Variants in GNG4 observed in about 807,000 individuals in gnomAD.
GNG4 encodes the protein G protein subunit gamma 4.
In GNG4, 4 loss-of-function variants were observed where a neutral mutation model predicts 5.8. The ratio of observed to expected loss-of-function variants is 0.69; its 90% CI spans 0.34 to 1.57. The LOEUF (loss-of-function observed/expected upper bound fraction) is 1.57, where lower values mean the gene tolerates loss of function less well. Ranked by LOEUF, GNG4 falls within the 40% of genes most tolerant of loss-of-function variation. The pLI is 0.06. For missense variants in GNG4, 96 were observed against 95.1 expected (o/e 1.01, Z -0.04); for synonymous variants, 29 against 32.9 (o/e 0.88, Z 0.41).
intron 1 of GNG4, among the ~76,000 whole-genome samples, chr1:235,618,725 G>T (rs1267416672): frequency 1.3e-5 from 2 of 150,346 alleles, no homozygotes; most frequent in African/African-American, 4.9e-5. Flanking sequence ...GCGTGATCTC[G>T]GCTCACTGCA....
intron 1 of GNG4, among the ~76,000 whole-genome samples, chr1:235,598,457 A>G (rs1217444935): frequency 3.3e-5 from 5 of 152,062 alleles, no homozygotes; most frequent in Admixed American, 3.3e-4. Context: ...AAAAATTTAA[A>G]AATTATCTGG....
intron 1 of GNG4, among the ~76,000 whole-genome samples, chr1:235,625,875 A>G (rs976178883): frequency 1.3e-5 from 2 of 152,220 alleles, no homozygotes; most frequent in South Asian, 4.1e-4. Context: ...TTGGGCAATT[A>G]TGAATAAAGC....
intron 1 of GNG4, among the ~76,000 whole-genome samples, chr1:235,618,808 AC>A (rs1688650346): frequency 6.6e-6 from 1 of 151,182 alleles, no homozygotes; most frequent in Admixed American, 6.6e-5. Context: ...GGCATGTGCC[AC>A]CCCACCTGGC....
intron 2 of GNG4, among the ~76,000 whole-genome samples, chr1:235,592,527 T>A (rs1385687321): frequency 2.0e-5 from 3 of 151,864 alleles, no homozygotes; most frequent in African/African-American, 7.3e-5. Flanking sequence ...ATAAATAAAT[T>A]TCTTCCTGAG....
At chr1:235,620,559 G>T (rs145089820) in intron 1 of GNG4, among the ~76,000 whole-genome samples, 2 of 152,020 alleles carry the variant, frequency 1.3e-5, no homozygotes, top group African/African-American at 4.8e-5. Flanking sequence ...TTTTTGAGAC[G>T]GAGTCTCGCT....
chr1:235,573,963 G>C (rs904839018), intron 3 of GNG4, among the ~76,000 whole-genome samples: 3 of 152,018 alleles, frequency 2.0e-5, no homozygotes, highest in Admixed American at 2.0e-4. Flanking sequence ...TTATAAAAAA[G>C]CAATAAGTGT....
intron 3 of GNG4, among the ~76,000 whole-genome samples, chr1:235,554,746 G>A (rs192844288): frequency 1.4e-3 from 210 of 151,212 alleles, no homozygotes; most frequent in Non-Finnish European, 2.4e-3. Context: ...TCAGGAGGCT[G>A]AGGCAGGAGA....
intron 2 of GNG4, among the ~76,000 whole-genome samples, chr1:235,592,008 G>A (rs1571900875): frequency 2.0e-5 from 3 of 152,290 alleles, no homozygotes; most frequent in Middle Eastern, 3.4e-3. Flanking sequence ...TAAGCAAGAA[G>A]GTAATAGTAG....
At chr1:235,568,708 G>A (rs1376532535) in intron 3 of GNG4, among the ~76,000 whole-genome samples, 1 of 151,796 alleles carries the variant, frequency 6.6e-6, no homozygotes. Context: ...GTGAGGCACT[G>A]TAGTGTAATG....
rs988998209 is a variant in GNG4 at position 235,613,049 on chromosome 1, A to G, written c.-122-17538T>C. 5.5e-5 allele frequency among the ~76,000 whole-genome samples: 8 copies of G among 144,642 alleles called. No individual in the cohort carries two copies. In the East Asian group the frequency reaches 8.2e-4, roughly 15 times the overall value. The allele number at this position is 144,642 out of a possible 152,430, so 94.9% of individuals were successfully genotyped here. ...AGGGCTCTGCCCCCATGATCTAATCACCTCCTAAAGCCCCAGTACTACTGC... is the reference window on the plus strand; with the variant it reads ...AGGGCTCTGCCCCCATGATCTAATCGCCTCCTAAAGCCCCAGTACTACTGC... On this transcript the variant is annotated intron_variant, in intron 1 of 3. Coordinates refer to ENST00000391854, the MANE Select transcript of GNG4 (RefSeq NM_001098722.2).
intron 2 of GNG4, among the ~76,000 whole-genome samples, chr1:235,593,715 C>A (rs1272763637): frequency 1.3e-5 from 2 of 152,132 alleles, no homozygotes; most frequent in African/African-American, 4.8e-5. Flanking sequence ...AGCTGCAGAG[C>A]TTCACGGTGA....
At chr1:235,641,789 C>T (rs184229662) in intron 1 of GNG4, among the ~76,000 whole-genome samples, 3 of 152,266 alleles carry the variant, frequency 2.0e-5, no homozygotes, top group South Asian at 2.1e-4. Context: ...ACCTTAACCT[C>T]GGATCAACAT....
At chr1:235,603,285 A>T (rs1688294489) in intron 1 of GNG4, among the ~76,000 whole-genome samples, 1 of 141,140 alleles carries the variant, frequency 7.1e-6, no homozygotes, top group South Asian at 2.1e-4. Context: ...AATAATAATA[A>T]TAATAAAAGG....
chr1:235,620,314 G>A (rs1378009318), intron 1 of GNG4, among the ~76,000 whole-genome samples: 1 of 151,058 alleles, frequency 6.6e-6, no homozygotes, highest in Non-Finnish European at 1.5e-5. Context: ...GCGGTGAGCC[G>A]AGATCACACC....
At chr1:235,618,856 A>G (rs991558537) in intron 1 of GNG4, among the ~76,000 whole-genome samples, 1 of 151,232 alleles carries the variant, frequency 6.6e-6, no homozygotes, top group African/African-American at 2.4e-5. Context: ...GGGTTTCACC[A>G]TGTTGGCCGG....
At chr1:235,597,918 G>A (rs764692171) in intron 1 of GNG4, among the ~76,000 whole-genome samples, 6 of 152,160 alleles carry the variant, frequency 3.9e-5, no homozygotes, top group East Asian at 1.9e-4. Flanking sequence ...CACTGCACCC[G>A]GAGTTGGTTT....
upstream of GNG4, chr1:235,650,085 C>T (rs1471099453): frequency 1.3e-5 from 2 of 150,692 alleles, no homozygotes; most frequent in Non-Finnish European, 3.0e-5. Context: ...CACCGGGGCT[C>T]CCGCGCTCCC....
chr1:235,570,991 G>C (rs1242494183), intron 3 of GNG4, among the ~76,000 whole-genome samples: 1 of 127,296 alleles, frequency 7.9e-6, no homozygotes, highest in African/African-American at 3.0e-5. Flanking sequence ...TGAAGAGATA[G>C]GGTTTTGCCA....
At chr1:235,591,112 T>A (rs1238495069) in intron 2 of GNG4, among the ~76,000 whole-genome samples, 1 of 152,126 alleles carries the variant, frequency 6.6e-6, no homozygotes, top group African/African-American at 2.4e-5. Flanking sequence ...CCGGTTCCAA[T>A]CCTCTTATTT....
Sources: gnomAD v4.1 joint callset for allele counts (sites outside exome capture counted in the v4.1 genomes callset) on GRCh38, gnomAD v4.1.1 for gene constraint, MANE v1.5 for transcripts, NCBI Gene and HGNC (gene_info 2026-07-23, HGNC 2026-07-21) for gene names.